Variants in GPR101 observed in about 807,000 individuals in gnomAD.
The protein encoded by GPR101 is G protein-coupled receptor 101, also known as probable G protein-coupled receptor 101.
GPR101 carries 8 observed loss-of-function variants against 16.4 expected under a neutral mutation model. The ratio of observed to expected loss-of-function variants is 0.49; its 90% CI spans 0.29 to 0.88. GPR101 has a LOEUF of 0.88. GPR101 is among the 40% of genes least tolerant of loss of function. The probability of loss-of-function intolerance (pLI) is 0.09; values close to 1 mark genes in which losing one functional copy is unlikely to be tolerated. For synonymous variants in GPR101, 155 were observed against 168.7 expected (o/e 0.92, Z 0.63); for missense variants, 375 against 411.7 (o/e 0.91, Z 0.77).
At position 137,028,298 on chromosome X, in the gene GPR101, T is replaced by G. The variant is rs1602597703; in HGVS notation, c.*1850A>C. ...CTATTCCCTCTACTTTCCTAAATTC[T>G]GAACATGGCAATCCCAAATTCCCAT... On this transcript the variant is annotated 3_prime_UTR_variant, in exon 2 of 2. Transcript: ENST00000651716. Among the ~76,000 whole-genome samples, 1 of 111,933 alleles carries G rather than the reference T, an allele frequency of 8.9e-6. No individual in the cohort carries two copies. The highest frequency in any genetic ancestry group is 3.8e-4 in the South Asian group (1 of 2,628).
Position 137,031,462 on chromosome X carries a change from A to G in GPR101, c.213T>C (p.Phe71=). Reference sequence around the variant, plus strand: ...GCAGCAGGTCGGTGACGAGGAGGTTAAAGATAAAACGGTTGGTCACCTGCA... The same window carrying G: ...GCAGCAGGTCGGTGACGAGGAGGTTGAAGATAAAACGGTTGGTCACCTGCA... ...QLLQVTNRFI[F]NLLVTDLLQI... is the part of the protein sequence containing the mutation. Residue 71 remains phenylalanine, a synonymous_variant, in exon 2 of 2, where the codon TTT becomes TTC. Coordinates refer to ENST00000651716, the MANE Select transcript of GPR101 (RefSeq NM_054021.2). The G allele has an allele frequency of 8.4e-7, 1 of 1,195,817 alleles. No individual in the cohort carries two copies. Among genetic ancestry groups the G allele is most frequent in the Non-Finnish European group, 1.1e-6 (1 of 887,279 alleles).
chrX:137,030,352 C>T lies in GPR101; in HGVS notation c.1323G>A (p.Trp441Ter), dbSNP rs750658291. The change falls in exon 2 of 2, where the codon TGG becomes TGA. Residue 441 changes from tryptophan (W) to a stop codon, truncating the protein, a stop_gained. Transcript: ENST00000651716. LOFTEE classifies it high-confidence loss of function. ...GGATGCAGCACTGCAGGAAGAAAAGCCAGATGATTATGGTGATCACCCACT... is the reference window on the plus strand; with the variant it reads ...GGATGCAGCACTGCAGGAAGAAAAGTCAGATGATTATGGTGATCACCCACT... ...VPQWVITIII[W>*]LFFLQCCIHP... 8.3e-7 allele frequency: 1 copy of T among 1,209,327 alleles called. No homozygotes were observed. Among genetic ancestry groups the T allele is most frequent in the South Asian group, 1.8e-5 (1 of 56,269 alleles).
Position 137,030,255 on chromosome X carries a change from A to G in GPR101, c.1420T>C (p.Cys474Arg), listed in dbSNP as rs146694413. 1.7e-6 allele frequency: 2 copies of G among 1,209,436 alleles called. No individual in the cohort carries two copies. The highest frequency in any genetic ancestry group is 1.1e-6 in the Non-Finnish European group (1 of 894,751). The change falls in exon 2 of 2, where the codon TGC (cysteine) becomes CGC (arginine). Residue 474 changes from cysteine to arginine, a missense_variant. By Grantham distance (180) the Cys-to-Arg change is radical. Transcript: ENST00000651716. ...EIQDMLKKFF[C>R]KEKPPKEDSH... ...TCTTCTTTCGGGGGCTTTTCCTTGC[A>G]GAAGAACTTCTTCAGCATGTCCTGG...
In GPR101 at chrX:137,030,940, C is replaced by T. The variant is rs112447740; in HGVS notation, c.735G>A (p.Glu245=). Residue 245 remains glutamate, a synonymous_variant, in exon 2 of 2, where the codon GAG becomes GAA. Transcript: ENST00000651716. ...CCTTCTTCTCTGCTCCCTCTTCATC[C>T]TCATTCTCCACACAGTCCTTGACTC... ...EVRVKDCVEN[E]DEEGAEKKEE... 1.3e-3 allele frequency: 1,618 copies of T among 1,210,431 alleles called. 1 individual carries two copies. The highest frequency in any genetic ancestry group is 1.7e-3 in the Non-Finnish European group (1,480 of 895,315).
At position 137,030,504 on chromosome X, in the gene GPR101, T is replaced by C; in HGVS notation, c.1171A>G (p.Arg391Gly). ...TTAGCAGCTTTGCACTGGTAGCACC[T>C]GGGCAGAGGAGGGTTGCTGTTGCTG... ...RNSNSNPPLPRCYQCKAAKVI... is the reference protein window; with the variant it reads ...RNSNSNPPLPGCYQCKAAKVI... The change falls in exon 2 of 2, where the codon AGG becomes GGG. Residue 391 changes from arginine (R) to glycine (G), a missense_variant. Transcript: ENST00000651716. The C allele has an allele frequency of 1.7e-6, 2 of 1,210,320 alleles. No homozygotes were observed. Among genetic ancestry groups the C allele is most frequent in the Non-Finnish European group, 2.2e-6 (2 of 894,613 alleles).
rs1247225682 is a variant in GPR101 at position 137,030,282 on chromosome X, T to A, written c.1393A>T (p.Ile465Phe). The stretch of plus-strand genomic sequence containing the variant: ...AAGAACTTCTTCAGCATGTCCTGGA[T>A]TTCCTTCTTAATGGTCTTGTGCATG... ...GYMHKTIKKE[I>F]QDMLKKFFCK... The change falls in exon 2 of 2, where the codon ATC (isoleucine) becomes TTC (phenylalanine). Residue 465 changes from isoleucine to phenylalanine, a missense_variant. Coordinates refer to ENST00000651716, the MANE Select transcript of GPR101 (RefSeq NM_054021.2). 1 of 1,211,493 alleles carries A rather than the reference T, an allele frequency of 8.3e-7. No individual in the cohort carries two copies. Among genetic ancestry groups the A allele is most frequent in the South Asian group, 1.8e-5 (1 of 56,909 alleles).
Position 137,030,826 on chromosome X carries a change from G to C in GPR101, c.849C>G (p.Ser283Arg). Residue 283 changes from serine to arginine, a missense_variant, in exon 2 of 2, where the codon AGC becomes AGG. By Grantham distance (110) the Ser-to-Arg change is moderately radical. Coordinates refer to ENST00000651716, the MANE Select transcript of GPR101 (RefSeq NM_054021.2). ...CCGTGCTTCCTTCCTTGGCCTTCAG[G>C]CTGCCGTCCTTGGCTTCCATTCTGC... ...KEGRMEAKDG[S>R]LKAKEGSTGT... 8.3e-7 allele frequency: 1 copy of C among 1,211,126 alleles called. No homozygotes were observed. Among genetic ancestry groups the C allele is most frequent in the Non-Finnish European group, 1.1e-6 (1 of 895,347 alleles).
At chrX:137,033,057 C>T (rs1157103091) in intron 1 of GPR101, among the ~76,000 whole-genome samples, 2 of 111,466 alleles carry the variant, frequency 1.8e-5, no homozygotes, top group Non-Finnish European at 3.8e-5. Context: ...GTGGAAACCA[C>T]CTGCCGCCCC....
At chrX:137,032,047 T>TCGCTAG (rs1282515847) in intron 1 of GPR101, among the ~76,000 whole-genome samples, 1 of 111,338 alleles carries the variant, frequency 9.0e-6, no homozygotes, top group Non-Finnish European at 1.9e-5. Context: ...GGAGTTTTGG[T>TCGCTAG]CGCTAGCGCT....
chrX:137,028,045 T>C lies in GPR101; in HGVS notation c.*2103A>G, dbSNP rs1040975161. ...CATAGGCCATTTCTTCACCCAGATA[T>C]CCTTTAAGGAAAGGTCAGTTCAAGA... On this transcript the variant is annotated 3_prime_UTR_variant, in exon 2 of 2. Transcript: ENST00000651716. 1.8e-5 allele frequency among the ~76,000 whole-genome samples: 2 copies of C among 112,254 alleles called. No homozygotes were observed. Among genetic ancestry groups the C allele is most frequent in the Non-Finnish European group, 3.8e-5 (2 of 53,269 alleles).
Position 137,024,059 on chromosome X carries a change from C to T in GPR101, c.*6089G>A, listed in dbSNP as rs948166283. On this transcript the variant is annotated 3_prime_UTR_variant, in exon 2 of 2. Coordinates refer to ENST00000651716, the MANE Select transcript of GPR101 (RefSeq NM_054021.2). ...GTTAAATCACAAACATCAATTTCTC[C>T]GCATTTCCCAAGCAGGAGTCCGTTA... 1.8e-5 allele frequency among the ~76,000 whole-genome samples: 2 copies of T among 111,881 alleles called. No homozygotes were observed. The highest frequency in any genetic ancestry group is 3.2e-5 in the African/African-American group (1 of 30,776).
In GPR101 at chrX:137,025,817, C is replaced by T. The variant is rs1189610570; in HGVS notation, c.*4331G>A. On this transcript the variant is annotated 3_prime_UTR_variant, in exon 2 of 2. Coordinates refer to ENST00000651716, the MANE Select transcript of GPR101 (RefSeq NM_054021.2). ...TAGCTTCACTGTTTCTTCCTCTAGCCAGTTTTGTTGCTTAGGGCAAAAGAC... is the reference window on the plus strand; with the variant it reads ...TAGCTTCACTGTTTCTTCCTCTAGCTAGTTTTGTTGCTTAGGGCAAAAGAC... 1.8e-5 allele frequency among the ~76,000 whole-genome samples: 2 copies of T among 112,972 alleles called. No homozygotes were observed. The highest frequency in any genetic ancestry group is 6.4e-5 in the African/African-American group (2 of 31,117).
Position 137,030,001 on chromosome X carries a change from A to T in GPR101, c.*147T>A. ...CAGTTCCTGCCTCTTCTATATATTT[A>T]TCTACCTTGTGGTGAAGAGCATGTG... On this transcript the variant is annotated 3_prime_UTR_variant, in exon 2 of 2. Coordinates refer to ENST00000651716, the MANE Select transcript of GPR101 (RefSeq NM_054021.2). The T allele has an allele frequency of 2.2e-6, 1 of 451,195 alleles. No individual in the cohort carries two copies. Among genetic ancestry groups the T allele is most frequent in the Non-Finnish European group, 3.6e-6 (1 of 277,753 alleles). 37.2% of individuals were successfully genotyped at this position (451,195 alleles called of 1,213,427 possible).
rs980616728 is a variant in GPR101 at position 137,028,321 on chromosome X, C to T, written c.*1827G>A. Among the ~76,000 whole-genome samples, 5 of 111,545 alleles carry T rather than the reference C, an allele frequency of 4.5e-5. No homozygotes were observed. Among genetic ancestry groups the T allele is most frequent in the African/African-American group, 1.3e-4 (4 of 30,691 alleles). Reference sequence around the variant, plus strand: ...TCTGAACATGGCAATCCCAAATTCCCATGCAGAGTTATTCACAGTCCAAAT... The same window carrying T: ...TCTGAACATGGCAATCCCAAATTCCTATGCAGAGTTATTCACAGTCCAAAT... On this transcript the variant is annotated 3_prime_UTR_variant, in exon 2 of 2. Transcript: ENST00000651716.
At position 137,033,875 on chromosome X, in the gene GPR101, C is replaced by T. The variant is rs1336007586; in HGVS notation, c.-166G>A. Among the ~76,000 whole-genome samples the T allele has an allele frequency of 1.8e-5, 2 of 112,169 alleles. No individual in the cohort carries two copies. Among genetic ancestry groups the T allele is most frequent in the African/African-American group, 6.4e-5 (2 of 31,043 alleles). The stretch of plus-strand genomic sequence containing the variant: ...CGGGGCTCCTCGCGCTCGTCCCGGC[C>T]GCCTCTCGGGGCTCGGGCGGCTGCG... On this transcript the variant is annotated 5_prime_UTR_variant, in exon 1 of 2. Coordinates refer to ENST00000651716, the MANE Select transcript of GPR101 (RefSeq NM_054021.2).
Position 137,026,702 on chromosome X carries a change from G to A in GPR101, c.*3446C>T, listed in dbSNP as rs972796446. ...GAGTGCTTTTTTGGTAAAAAATTAG[G>A]TGCCTACCTTCTACTAAATAATAAC... On this transcript the variant is annotated 3_prime_UTR_variant, in exon 2 of 2. Coordinates refer to ENST00000651716, the MANE Select transcript of GPR101 (RefSeq NM_054021.2). Among the ~76,000 whole-genome samples the A allele has an allele frequency of 1.8e-5, 2 of 111,776 alleles. No individual in the cohort carries two copies. Among genetic ancestry groups the A allele is most frequent in the Non-Finnish European group, 3.8e-5 (2 of 53,138 alleles).
chrX:137,029,822 A>G lies in GPR101; in HGVS notation c.*326T>C, dbSNP rs1279980811. ...ATCATCTTCCCTTTCCTTCAGAGCT[A>G]AAGTTGGCATGTTGTAGCTCTGGAA... On this transcript the variant is annotated 3_prime_UTR_variant, in exon 2 of 2. Transcript: ENST00000651716. Among the ~76,000 whole-genome samples the G allele has an allele frequency of 1.8e-5, 2 of 112,485 alleles. No homozygotes were observed. The highest frequency in any genetic ancestry group is 3.7e-5 in the Non-Finnish European group (2 of 53,340).
intron 1 of GPR101, among the ~76,000 whole-genome samples, chrX:137,032,602 G>A (rs1417928225): frequency 9.1e-6 from 1 of 110,330 alleles, no homozygotes; most frequent in Non-Finnish European, 1.9e-5. Flanking sequence ...GTCTCTGCCC[G>A]TCTCCGTGTC....
chrX:137,033,838 G>T lies in GPR101; in HGVS notation c.-129C>A, dbSNP rs1385778376. Among the ~76,000 whole-genome samples the T allele has an allele frequency of 8.9e-6, 1 of 112,198 alleles. No homozygotes were observed. Among genetic ancestry groups the T allele is most frequent in the Admixed American group, 9.2e-5 (1 of 10,830 alleles). The stretch of plus-strand genomic sequence containing the variant: ...GCAGACGTGGCGTCGCGGGCGCCGC[G>T]TGCAGGTCCTTCGGGGCTCCTCGCG... On this transcript the variant is annotated 5_prime_UTR_variant, in exon 1 of 2. Coordinates refer to ENST00000651716, the MANE Select transcript of GPR101 (RefSeq NM_054021.2).
Sources: gnomAD v4.1 joint callset for allele counts (sites outside exome capture counted in the v4.1 genomes callset) on GRCh38, gnomAD v4.1.1 for gene constraint, MANE v1.5 for transcripts, NCBI Gene and HGNC (gene_info 2026-07-23, HGNC 2026-07-21) for gene names.